Variants in MYO15A observed in about 807,000 individuals in gnomAD.
The protein encoded by MYO15A is myosin XVA, also known as unconventional myosin-XV.
In MYO15A, 308 loss-of-function variants were observed where a neutral mutation model predicts 394.6. The observed-to-expected ratio is 0.78, with a 90% CI of 0.71 to 0.86. The LOEUF (loss-of-function observed/expected upper bound fraction) is 0.86. Among genes scored for constraint, MYO15A ranks in the 40% least tolerant of loss-of-function variants. MYO15A has a pLI of 0.00. For missense variants in MYO15A, 4,606 were observed against 4,799.1 expected (o/e 0.96, Z 1.19); for synonymous variants, 1,957 against 2,003.8 (o/e 0.98, Z 0.62).
In MYO15A at chr17:18,148,636, C is replaced by T; in HGVS notation, c.6764+68C>T. ...GGAATGTTGTGGGGGGAGGTCAGAT[C>T]CCCCAGAGGGTCCCATAGGGTCCAT... On this transcript the variant is annotated intron_variant, in intron 32 of 65. Transcript: ENST00000647165. This position sits in a 1 kb window ranked among gnomAD's most constrained non-coding sequence, Gnocchi z 4.8. 6.5e-7 allele frequency: 1 copy of T among 1,546,628 alleles called. No homozygotes were observed. Among genetic ancestry groups the T allele is most frequent in the Non-Finnish European group, 8.7e-7 (1 of 1,143,414 alleles).
chr17:18,144,396 C>T (rs182133100), intron 28 of MYO15A, 101 bp from the exon 29 acceptor site: 1 of 1,122,608 alleles, frequency 8.9e-7, no homozygotes, highest in East Asian at 2.3e-5. Context: ...ACCAAAGCCC[C>T]TGCCTCATAG....
Position 18,120,226 on chromosome 17 carries a change from A to T in MYO15A, c.1426A>T (p.Lys476Ter), listed in dbSNP as rs1597752361. Residue 476 changes from lysine (K) to a stop codon, truncating the protein, a stop_gained, in exon 2 of 66, where the codon AAG becomes TAG. Transcript: ENST00000647165. LOFTEE classifies it high-confidence loss of function. The stretch of plus-strand genomic sequence containing the variant: ...CAGGTCCAAGCTGTCCCTCATCCGC[A>T]AGTTCCGCCTCTTCCCGCGACCCCA... ...PARSKLSLIRKFRLFPRPQVK... is the reference protein window; with the variant it reads ...PARSKLSLIR 1.2e-6 allele frequency: 2 copies of T among 1,612,642 alleles called. No individual in the cohort carries two copies. Among genetic ancestry groups the T allele is most frequent in the Non-Finnish European group, 1.7e-6 (2 of 1,179,830 alleles).
At chr17:18,149,950 CA>C (rs369728454) in intron 35 of MYO15A, 4,109 of 124,412 alleles carry the variant, frequency 0.033, no homozygotes, top group South Asian at 0.092. Flanking sequence ...GACCCTGTCT[CA>C]AAAAAAAAAA....
intron 4 of MYO15A, chr17:18,125,672 T>C (rs572396393): frequency 3.2e-4 from 45 of 139,156 alleles, no homozygotes; most frequent in Middle Eastern, 4.9e-3. Context: ...GCCACTGCAC[T>C]CCAGCCTGGG....
chr17:18,138,901 A>C lies in MYO15A; in HGVS notation c.5098A>C (p.Thr1700Pro). ...ACCCAAGATGCCGCTGCCTGAGTTC[A>C]CCATCAAGCACTATGCAGGCAAGGT... ...SKPKMPLPEF[T>P]IKHYAGKVTY... Residue 1700 changes from threonine to proline, a missense_variant, in exon 18 of 66, where the codon ACC becomes CCC. Coordinates refer to ENST00000647165, the MANE Select transcript of MYO15A (RefSeq NM_016239.4). 1 of 1,613,112 alleles carries C rather than the reference A, an allele frequency of 6.2e-7. No homozygotes were observed. Among genetic ancestry groups the C allele is most frequent in the Non-Finnish European group, 8.5e-7 (1 of 1,179,556 alleles).
intron 19 of MYO15A, among the ~76,000 whole-genome samples, chr17:18,139,846 G>A (rs921346296): frequency 4.6e-5 from 7 of 152,186 alleles, no homozygotes; most frequent in Admixed American, 3.3e-4. Context: ...CACAGCCCCA[G>A]TGGCTAGACT....
chr17:18,131,237 A>G lies in MYO15A; in HGVS notation c.4039-2A>G, dbSNP rs200260574. The G allele has an allele frequency of 1.2e-6, 2 of 1,613,390 alleles. No individual in the cohort carries two copies. On this transcript the variant is annotated splice_acceptor_variant, in intron 8 of 65. Transcript: ENST00000647165. LOFTEE classifies it high-confidence loss of function. ...ATTCCCACATCTCCTTCTGGAGTCC[A>G]GATCCTGGAGGCAACACCCCTCTTG...
rs754939185 is a variant in MYO15A at position 18,120,021 on chromosome 17, G to T, written c.1221G>T (p.Ser407=). 2 of 1,613,464 alleles carry T rather than the reference G, an allele frequency of 1.2e-6. No homozygotes were observed. The highest frequency in any genetic ancestry group is 1.3e-5 in the African/African-American group (1 of 74,896). The part of the protein sequence containing the change: ...VPYFYPEESA[S]AFVYPWVPPP... ...ATTTTTACCCGGAGGAGTCGGCTTC[G>T]GCCTTTGTGTACCCCTGGGTACCAC... Residue 407 remains serine, a synonymous_variant, in exon 2 of 66, where the codon TCG becomes TCT. Coordinates refer to ENST00000647165, the MANE Select transcript of MYO15A (RefSeq NM_016239.4).
chr17:18,159,091 G>A, intron 53 of MYO15A, 94 bp downstream of exon 53: 5 of 1,435,218 alleles, frequency 3.5e-6, no homozygotes, highest in Middle Eastern at 1.8e-4. Context: ...TGTTCTCAGT[G>A]AGACCCTCTG....
At chr17:18,166,334 C>T (rs1597819155) in intron 60 of MYO15A, 27 bp from the exon 61 acceptor site, 1 of 1,608,726 alleles carries the variant, frequency 6.2e-7, no homozygotes, top group East Asian at 2.2e-5. Flanking sequence ...ATGCCCCCAC[C>T]CAGCCCTGCC....
chr17:18,163,388 A>G (rs1329182299), intron 59 of MYO15A, 67 bp downstream of exon 59: 1 of 1,519,644 alleles, frequency 6.6e-7, no homozygotes, highest in African/African-American at 1.4e-5. Flanking sequence ...CCCAGGCTCC[A>G]GGATGGGGGT....
chr17:18,154,073 G>A lies in MYO15A; in HGVS notation c.8089-58G>A. 4 of 1,609,848 alleles carry A rather than the reference G, an allele frequency of 2.5e-6. No individual in the cohort carries two copies. In the South Asian group the frequency reaches 4.4e-5, roughly 18 times the overall value. ...AACTGCATTTAGGGGGCGGGGCCGG[G>A]TGTGAAGCAAGGCCAGGGGGCAGTC... On this transcript the variant is annotated intron_variant, in intron 43 of 65. Transcript: ENST00000647165.
intron 6 of MYO15A, 44 bp downstream of exon 6, chr17:18,126,909 G>A (rs1433739170): frequency 6.2e-7 from 1 of 1,611,344 alleles, no homozygotes; most frequent in Non-Finnish European, 8.5e-7. Flanking sequence ...GGGGACCTTA[G>A]GTAGCAGGCC....
chr17:18,147,698 A>G lies in MYO15A; in HGVS notation c.6510-331A>G, dbSNP rs2046505364. Among the ~76,000 whole-genome samples the G allele has an allele frequency of 6.6e-6, 1 of 152,096 alleles. No individual in the cohort carries two copies. The highest frequency in any genetic ancestry group is 2.4e-5 in the African/African-American group (1 of 41,412). ...TGACATTTTGTTCCAACAAGCTGGT[A>G]CCTCTTTGGCCTATCCTTGGACCTC... On this transcript the variant is annotated intron_variant, in intron 30 of 65. Transcript: ENST00000647165. This position sits in a 1 kb window ranked among gnomAD's most constrained non-coding sequence, Gnocchi z 4.4.
Position 18,155,399 on chromosome 17 carries a change from CCG to C in MYO15A, c.8427_8428del (p.Gly2810ArgfsTer32). The C allele has an allele frequency of 6.2e-7, 1 of 1,613,528 alleles. No individual in the cohort carries two copies. The highest frequency in any genetic ancestry group is 2.2e-5 in the East Asian group (1 of 44,888). ...AGGATGGTCAAGGGTGGCCAGGAGG[CCG>C]GCGGGCAGCTGCGGGTCCTGCGTGC... On this transcript the variant is annotated frameshift_variant, in exon 47 of 66. Transcript: ENST00000647165. LOFTEE classifies it high-confidence loss of function.
intron 42 of MYO15A, 66 bp downstream of exon 42, chr17:18,152,250 T>A: frequency 1.4e-6 from 2 of 1,469,950 alleles, no homozygotes; most frequent in Non-Finnish European, 1.8e-6. Flanking sequence ...TGGGCACAGG[T>A]GAGTGTGTCG....
chr17:18,153,881 C>A lies in MYO15A; in HGVS notation c.8073C>A (p.Ile2691=), dbSNP rs368100916. Residue 2691 remains isoleucine (I), a synonymous_variant, in exon 43 of 66, where the codon ATC becomes ATA. Transcript: ENST00000647165. This position sits in a 1 kb window ranked among gnomAD's most constrained non-coding sequence, Gnocchi z 4.1. ...GCTATCAGGACGCCCCCTGGAAGAT[C>A]TTCCTGCGCAAAGAGGTGCCGAGCA... ...FYGYQDAPWK[I]FLRKEVFYPK... is the part of the protein sequence containing the mutation. 6.2e-7 allele frequency: 1 copy of A among 1,613,660 alleles called. No homozygotes were observed. The highest frequency in any genetic ancestry group is 8.5e-7 in the Non-Finnish European group (1 of 1,180,018).
chr17:18,150,370 C>A lies in MYO15A; in HGVS notation c.7213-59C>A. 1 of 1,508,246 alleles carries A rather than the reference C, an allele frequency of 6.6e-7. No homozygotes were observed. The highest frequency in any genetic ancestry group is 9.2e-7 in the Non-Finnish European group (1 of 1,085,228). 93.4% of individuals were successfully genotyped at this position (1,508,246 alleles called of 1,614,324 possible). A position where few individuals can be genotyped will look rare whatever the true frequency, so the allele number is the denominator to read the frequency against. ...AGAGGCCAGTGTCAGGTGCCTGTTG[C>A]CATGGAACCTTGGGAGTACAATAAT... is the stretch of plus-strand genomic sequence containing the variant. On this transcript the variant is annotated intron_variant, in intron 35 of 65. Transcript: ENST00000647165. The surrounding 1 kb of genome is among the most constrained non-coding windows in gnomAD (Gnocchi z 4.4).
At chr17:18,167,951 T>C (rs1258083743) in intron 62 of MYO15A, among the ~76,000 whole-genome samples, 1 of 152,218 alleles carries the variant, frequency 6.6e-6, no homozygotes, top group Non-Finnish European at 1.5e-5. Context: ...GCTGGTATTA[T>C]TAGCTCAGAG....
Sources: gnomAD v4.1 joint callset for allele counts (sites outside exome capture counted in the v4.1 genomes callset) on GRCh38, gnomAD v4.1.1 for gene constraint, Gnocchi (gnomAD v3.1) non-coding constraint, MANE v1.5 for transcripts, NCBI Gene and HGNC (gene_info 2026-07-23, HGNC 2026-07-21) for gene names.